NTRK3: variants seen among roughly 807,000 people sequenced by gnomAD.
The protein encoded by NTRK3 is neurotrophic receptor tyrosine kinase 3.
Under a neutral mutation model 91.7 loss-of-function variants are expected in NTRK3, and 24 were observed. The ratio of observed to expected loss-of-function variants is 0.26; its 90% CI spans 0.19 to 0.37. NTRK3 has a LOEUF of 0.37. Ranked by LOEUF, NTRK3 falls within the 10% of genes least tolerant of loss-of-function variation. The pLI is 1.00. For missense variants in NTRK3, 880 were observed against 1,068.9 expected (o/e 0.82, Z 2.46); for synonymous variants, 483 against 404.0 (o/e 1.20, Z -2.34).
chr15:87,911,127 C>T (rs1013132495), intron 17 of NTRK3, among the ~76,000 whole-genome samples: 1 of 152,110 alleles, frequency 6.6e-6, no homozygotes, highest in African/African-American at 2.4e-5. Context: ...GCAAGATAAA[C>T]ACAGTCACAG....
intron 14 of NTRK3, among the ~76,000 whole-genome samples, chr15:88,005,392 G>T (rs2076415213): frequency 6.6e-6 from 1 of 152,270 alleles, no homozygotes; most frequent in Middle Eastern, 3.4e-3. Context: ...CTAGGCAATT[G>T]TTCCAAACAG....
At chr15:88,254,064 T>A (rs2053734472) in intron 3 of NTRK3, among the ~76,000 whole-genome samples, 1 of 152,170 alleles carries the variant, frequency 6.6e-6, no homozygotes, top group Non-Finnish European at 1.5e-5. Context: ...AGCTCACCCA[T>A]TCCCAGAGAC....
At chr15:88,165,279 A>G (rs1050227182) in intron 5 of NTRK3, among the ~76,000 whole-genome samples, 6 of 152,176 alleles carry the variant, frequency 3.9e-5, no homozygotes, top group African/African-American at 1.4e-4. Flanking sequence ...AATGATTTAC[A>G]CCTTGATCAC....
At chr15:87,942,553 C>A (rs2069989274) in intron 14 of NTRK3, among the ~76,000 whole-genome samples, 1 of 152,162 alleles carries the variant, frequency 6.6e-6, no homozygotes, top group African/African-American at 2.4e-5. Flanking sequence ...AGTGTCCTGG[C>A]ACGGCCTGGG....
intron 14 of NTRK3, among the ~76,000 whole-genome samples, chr15:87,955,755 A>T (rs925393157): frequency 6.6e-6 from 1 of 152,214 alleles, no homozygotes; most frequent in African/African-American, 2.4e-5. Context: ...GGCCAGTTCA[A>T]CAAAGGAGAT....
intron 13 of NTRK3, among the ~76,000 whole-genome samples, chr15:88,095,057 C>A (rs1057072491): frequency 6.6e-6 from 1 of 152,152 alleles, no homozygotes; most frequent in Non-Finnish European, 1.5e-5. Context: ...GGCACTCTGG[C>A]GGACACCACA....
At chr15:88,013,880 C>T (rs954196156) in intron 14 of NTRK3, among the ~76,000 whole-genome samples, 1 of 152,080 alleles carries the variant, frequency 6.6e-6, no homozygotes, top group Non-Finnish European at 1.5e-5. Flanking sequence ...ATTGAGGCTG[C>T]AGTGAGCCAA....
rs556227166 is a variant in NTRK3 at position 88,190,684 on chromosome 15, C to T, written c.249-6385G>A. On this transcript the variant is annotated intron_variant, in intron 3 of 18. Coordinates refer to ENST00000394480, the Ensembl canonical transcript of NTRK3. ...TTGGAGCCCAATAGGTAAGAGCTGGCACCTGGAATTAGGCTGACCTGGAGA... is the reference window on the plus strand; with the variant it reads ...TTGGAGCCCAATAGGTAAGAGCTGGTACCTGGAATTAGGCTGACCTGGAGA... Among the ~76,000 whole-genome samples, 21 of 152,274 alleles carry T rather than the reference C, an allele frequency of 1.4e-4. No individual in the cohort carries two copies. The South Asian group carries it at 4.2e-3, about 30-fold the overall frequency.
intron 17 of NTRK3, chr15:87,928,827 T>C (rs1462557734): frequency 9.4e-6 from 4 of 426,742 alleles, no homozygotes; most frequent in African/African-American, 5.9e-5. Flanking sequence ...AGGGAGACAT[T>C]AAATGTAGTA....
At chr15:87,986,514 T>C (rs1343332298) in intron 14 of NTRK3, among the ~76,000 whole-genome samples, 1 of 152,256 alleles carries the variant, frequency 6.6e-6, no homozygotes, top group Non-Finnish European at 1.5e-5. Context: ...TTGCTGCATA[T>C]GCATATATCC....
intron 17 of NTRK3, among the ~76,000 whole-genome samples, chr15:87,904,533 G>A (rs74406446): frequency 7.9e-5 from 12 of 152,200 alleles, no homozygotes; most frequent in East Asian, 3.9e-4. Flanking sequence ...CTGAAATCCC[G>A]GCGTACTGCT....
intron 18 of NTRK3, among the ~76,000 whole-genome samples, chr15:87,878,487 C>A (rs2065056932): frequency 6.6e-6 from 1 of 152,138 alleles, no homozygotes. Context: ...GCTTATATTC[C>A]CCATTCATAT....
intron 3 of NTRK3, among the ~76,000 whole-genome samples, chr15:88,200,231 G>T (rs190377236): frequency 5.1e-4 from 77 of 152,348 alleles, no homozygotes; most frequent in Non-Finnish European, 9.0e-4. Context: ...CCAACCTAGA[G>T]CATCTTTACT....
intron 14 of NTRK3, among the ~76,000 whole-genome samples, chr15:87,955,693 C>T (rs529598020): frequency 4.8e-4 from 73 of 152,276 alleles, no homozygotes; most frequent in African/African-American, 1.4e-3. Flanking sequence ...CCAACAGGCA[C>T]GACCATTGGC....
chr15:87,916,767 C>CTA (rs1555436468), intron 17 of NTRK3, among the ~76,000 whole-genome samples: 1 of 142,976 alleles, frequency 7.0e-6, no homozygotes, highest in Non-Finnish European at 1.5e-5. Context: ...AAGCACAAGG[C>CTA]TTTTTTTTTT....
chr15:87,955,859 A>T (rs2071602045), intron 14 of NTRK3, among the ~76,000 whole-genome samples: 1 of 152,138 alleles, frequency 6.6e-6, no homozygotes, highest in Non-Finnish European at 1.5e-5. Context: ...TTTCATATTC[A>T]ACAAATATGC....
exon 19 of NTRK3, chr15:87,869,972 C>G (rs1028882483): frequency 5.2e-6 from 1 of 192,454 alleles, no homozygotes; most frequent in Non-Finnish European, 1.1e-5. Context: ...GTTTACACGT[C>G]TTGTTGGGTT....
intron 15 of NTRK3, 88 bp downstream of exon 15, chr15:87,940,535 A>G (rs1296607320): frequency 1.9e-6 from 3 of 1,588,196 alleles, no homozygotes; most frequent in Non-Finnish European, 2.6e-6. Context: ...ATTGAGCACT[A>G]TCTTCTCAAA....
At chr15:87,976,865 T>G (rs771141011) in intron 14 of NTRK3, among the ~76,000 whole-genome samples, 1 of 152,066 alleles carries the variant, frequency 6.6e-6, no homozygotes, top group Non-Finnish European at 1.5e-5. Context: ...ACAAAACCAC[T>G]CCATCCTAGG....
Sources: allele counts gnomAD v4.1 joint callset (sites outside exome capture counted in the v4.1 genomes callset), GRCh38; gene constraint gnomAD v4.1.1; transcripts MANE v1.5; gene names NCBI Gene and HGNC (gene_info 2026-07-23, HGNC 2026-07-21).